Variants in LIPT1 observed in about 807,000 individuals in gnomAD.
LIPT1 encodes lipoyl amidotransferase LIPT1, mitochondrial.
Under a neutral mutation model 25.1 loss-of-function variants are expected in LIPT1, and 22 were observed. That is an observed-to-expected ratio of 0.88 (90% CI 0.63 to 1.25). LIPT1 has a LOEUF of 1.25. Among genes scored for constraint, LIPT1 ranks in the 50% most tolerant of loss-of-function variants. The probability of loss-of-function intolerance (pLI) is 0.00; values close to 1 mark genes in which losing one functional copy is unlikely to be tolerated. For synonymous variants in LIPT1, 131 were observed against 150.8 expected (o/e 0.87, Z 0.96); for missense variants, 399 against 432.8 (o/e 0.92, Z 0.69).
At chr2:99,160,127 C>A (rs2093777099) in intron 1 of LIPT1, among the ~76,000 whole-genome samples, 1 of 152,298 alleles carries the variant, frequency 6.6e-6, no homozygotes, top group South Asian at 2.1e-4. Context: ...TGATTTGGGG[C>A]CAGGTGTAGT....
At chr2:99,159,089 C>T (rs796642372) in intron 1 of LIPT1, among the ~76,000 whole-genome samples, 10 of 152,270 alleles carry the variant, frequency 6.6e-5, no homozygotes, top group East Asian at 3.9e-4. Context: ...CCACCATGCC[C>T]GGCTAATTTT....
chr2:99,162,787 C>T lies in LIPT1; in HGVS notation c.830C>T (p.Pro277Leu). The T allele has an allele frequency of 6.2e-7, 1 of 1,614,066 alleles. No individual in the cohort carries two copies. The highest frequency in any genetic ancestry group is 8.5e-7 in the Non-Finnish European group (1 of 1,179,986). Residue 277 changes from proline to leucine, a missense_variant, in exon 2 of 2, where the codon CCA becomes CTA. Transcript: ENST00000651691. ...QTWEWIYGKT[P>L]KFSINTSFHV... Reference sequence around the variant, plus strand: ...TGGGAGTGGATATATGGCAAAACTCCAAAGTTTAGTATAAATACTTCCTTT... The same window carrying T: ...TGGGAGTGGATATATGGCAAAACTCTAAAGTTTAGTATAAATACTTCCTTT...
chr2:99,162,233 A>G lies in LIPT1; in HGVS notation c.276A>G (p.Glu92=), dbSNP rs1162658889. The change falls in exon 2 of 2, where the codon GAA becomes GAG. Residue 92 remains glutamate, a synonymous_variant. Transcript: ENST00000651691. The part of the protein sequence containing the change: ...QECNLNLMRE[E]GIKLARRRSG... ...GTAACCTGAATCTAATGAGAGAAGA[A>G]GGTATAAAACTGGCTCGGAGAAGAA... 1.9e-6 allele frequency: 3 copies of G among 1,613,972 alleles called. No individual in the cohort carries two copies. The South Asian group carries it at 3.3e-5, about 18-fold the overall frequency.
Position 99,162,371 on chromosome 2 carries a change from T to C in LIPT1, c.414T>C (p.Asn138=), listed in dbSNP as rs1307931050. ...TGAAATTAATTGTGAGAGCTCTGAA[T>C]GCTGTCCAACCCCAGCTGGATGTGC... ...ENLKLIVRAL[N]AVQPQLDVQA... is the part of the protein sequence containing the mutation. Residue 138 remains asparagine, a synonymous_variant, in exon 2 of 2, where the codon AAT becomes AAC. Coordinates refer to ENST00000651691, the MANE Select transcript of LIPT1 (RefSeq NM_145199.3). 6.2e-7 allele frequency: 1 copy of C among 1,614,036 alleles called. No individual in the cohort carries two copies. The highest frequency in any genetic ancestry group is 1.1e-5 in the South Asian group (1 of 91,082).
intron 1 of LIPT1, among the ~76,000 whole-genome samples, chr2:99,155,709 C>A (rs1442196781): frequency 6.6e-6 from 1 of 152,142 alleles, no homozygotes; most frequent in South Asian, 2.1e-4. Flanking sequence ...ATTACTCAGT[C>A]GGGGTCTGAT....
In LIPT1 at chr2:99,162,784, C is replaced by CTCCAT. The variant is rs1268631584; in HGVS notation, c.831_832insTTCCA (p.Lys278PhefsTer6). The CTCCAT allele has an allele frequency of 6.2e-7, 1 of 1,614,014 alleles. No individual in the cohort carries two copies. Among genetic ancestry groups the CTCCAT allele is most frequent in the Non-Finnish European group, 8.5e-7 (1 of 1,179,998 alleles). ...ACTTGGGAGTGGATATATGGCAAAACTCCAAAGTTTAGTATAAATACTTCC... is the reference window on the plus strand; with the variant it reads ...ACTTGGGAGTGGATATATGGCAAAACTCCATTCCAAAGTTTAGTATAAATACTTCC... On this transcript the variant is annotated frameshift_variant, in exon 2 of 2. Transcript: ENST00000651691. LOFTEE classifies it high-confidence loss of function.
chr2:99,158,960 G>C (rs930589497), intron 1 of LIPT1, among the ~76,000 whole-genome samples: 1 of 151,958 alleles, frequency 6.6e-6, no homozygotes, highest in Non-Finnish European at 1.5e-5. Context: ...ACGGAGTCTT[G>C]CTCTGTCGCC....
chr2:99,159,009 AG>A (rs1380222365), intron 1 of LIPT1, among the ~76,000 whole-genome samples: 2 of 152,092 alleles, frequency 1.3e-5, no homozygotes, highest in African/African-American at 4.8e-5. Flanking sequence ...GCTCACTGCA[AG>A]CTCCGCCTCC....
intron 1 of LIPT1, among the ~76,000 whole-genome samples, chr2:99,159,951 C>A (rs935020713): frequency 6.6e-6 from 1 of 152,192 alleles, no homozygotes; most frequent in Non-Finnish European, 1.5e-5. Context: ...GATTTGGTGA[C>A]TCAGTTCAAG....
chr2:99,159,603 T>C (rs2105190235), intron 1 of LIPT1, among the ~76,000 whole-genome samples: 1 of 152,360 alleles, frequency 6.6e-6, no homozygotes. Flanking sequence ...TTTTAAAAAG[T>C]CCAAATATTT....
At position 99,162,256 on chromosome 2, in the gene LIPT1, GAA is replaced by G. The variant is rs758477322; in HGVS notation, c.300_301del (p.Ser101TrpfsTer8). On this transcript the variant is annotated frameshift_variant, in exon 2 of 2. Coordinates refer to ENST00000651691, the MANE Select transcript of LIPT1 (RefSeq NM_145199.3). LOFTEE classifies it high-confidence loss of function. ...GAAGGTATAAAACTGGCTCGGAGAA[GAA>G]GTGGAGGAGGAACAGTCTACCATGA... 6.2e-7 allele frequency: 1 copy of G among 1,613,406 alleles called. No individual in the cohort carries two copies.
chr2:99,159,090 G>A (rs566769872), intron 1 of LIPT1, among the ~76,000 whole-genome samples: 9 of 152,210 alleles, frequency 5.9e-5, no homozygotes, highest in African/African-American at 1.9e-4. Context: ...CACCATGCCC[G>A]GCTAATTTTT....
chr2:99,157,804 C>A (rs996544752), intron 1 of LIPT1, among the ~76,000 whole-genome samples: 3 of 152,188 alleles, frequency 2.0e-5, no homozygotes, highest in African/African-American at 7.2e-5. Flanking sequence ...ACTGAACCAC[C>A]TTCCTGTGGC....
At chr2:99,161,062 C>T (rs1400323585) in intron 1 of LIPT1, among the ~76,000 whole-genome samples, 1 of 149,876 alleles carries the variant, frequency 6.7e-6, no homozygotes, top group Non-Finnish European at 1.5e-5. Flanking sequence ...TCAGGAGTTC[C>T]AAGACCAGCA....
chr2:99,158,992 G>A lies in LIPT1; in HGVS notation c.-1-2965G>A, dbSNP rs189319436. Among the ~76,000 whole-genome samples, 87 of 152,152 alleles carry A rather than the reference G, an allele frequency of 5.7e-4. No homozygotes were observed. The East Asian group carries it at 0.011, about 19-fold the overall frequency. Reference sequence around the variant, plus strand: ...CGCCCAGGCTGGAGTGTAGTGGCACGATCTCGGCTCACTGCAAGCTCCGCC... The same window carrying A: ...CGCCCAGGCTGGAGTGTAGTGGCACAATCTCGGCTCACTGCAAGCTCCGCC... On this transcript the variant is annotated intron_variant, in intron 1 of 1. Transcript: ENST00000651691.
chr2:99,161,677 G>GA (rs140517012), intron 1 of LIPT1: 1,484 of 239,398 alleles, frequency 6.2e-3, no homozygotes, highest in Middle Eastern at 8.8e-3. Flanking sequence ...GTCTGTAAGA[G>GA]AAAAAAAAAA....
intron 1 of LIPT1, chr2:99,155,608 T>C: frequency 1.3e-5 from 6 of 445,862 alleles, no homozygotes; most frequent in Middle Eastern, 3.4e-4. Flanking sequence ...AGTAGAAAGA[T>C]TCAAAGTGAT....
rs766082343 is a variant in LIPT1, at chr2:99,162,600, C to A, written c.643C>A (p.Leu215Ile). 8.1e-6 allele frequency: 13 copies of A among 1,614,118 alleles called. No individual in the cohort carries two copies. The highest frequency in any genetic ancestry group is 1.6e-4 in the Middle Eastern group (1 of 6,062). The change falls in exon 2 of 2, where the codon CTT becomes ATT. Residue 215 changes from leucine (L) to isoleucine (I), a missense_variant. Leu to Ile is a conservative substitution (Grantham distance 5, BLOSUM62 2). Transcript: ENST00000651691. ...TAGCATACCTTCCTTAGTGAAAAAT[C>A]TTTTGGAAAAGGATCCCACTCTGAC... ...TASIPSLVKN[L>I]LEKDPTLTCE...
chr2:99,158,659 C>T (rs1180173222), intron 1 of LIPT1, among the ~76,000 whole-genome samples: 7 of 152,108 alleles, frequency 4.6e-5, no homozygotes, highest in Admixed American at 3.3e-4. Flanking sequence ...TCCTAATAAC[C>T]AGCCAGTAGA....
Sources: allele counts gnomAD v4.1 joint callset (sites outside exome capture counted in the v4.1 genomes callset), GRCh38; gene constraint gnomAD v4.1.1; transcripts MANE v1.5; gene names NCBI Gene and HGNC (gene_info 2026-07-23, HGNC 2026-07-21).